Variants in ZNF254 observed in about 807,000 individuals in gnomAD.
ZNF254 encodes zinc finger protein 254.
ZNF254 carries 10 observed loss-of-function variants against 12.4 expected under a neutral mutation model. That is an observed-to-expected ratio of 0.80 (90% CI 0.50 to 1.36). The LOEUF (loss-of-function observed/expected upper bound fraction) is 1.36. ZNF254 is among the 40% of genes most tolerant of loss of function. ZNF254 has a pLI of 0.00. For synonymous variants in ZNF254, 305 were observed against 253.4 expected, an observed-to-expected ratio of 1.20 and a Z score of -1.93; for missense variants, 996 against 763.9, an observed-to-expected ratio of 1.30 and a Z score of -3.58.
intron 2 of ZNF254, among the ~76,000 whole-genome samples, chr19:24,054,689 A>G (rs1368644757): frequency 6.6e-6 from 1 of 152,186 alleles, no homozygotes; most frequent in African/African-American, 2.4e-5. Context: ...CCACAGTTGG[A>G]ATTGTGACTC....
chr19:24,113,367 C>G (rs1455850896), intron 3 of ZNF254, among the ~76,000 whole-genome samples: 1 of 152,142 alleles, frequency 6.6e-6, no homozygotes. Flanking sequence ...GGATGCAGGG[C>G]TGGTTCAATA....
chr19:24,120,157 G>A (rs1374060306), intron 3 of ZNF254, among the ~76,000 whole-genome samples: 1 of 152,074 alleles, frequency 6.6e-6, no homozygotes, highest in Admixed American at 6.5e-5. Flanking sequence ...GCTTGCGCAG[G>A]AAAACTGCCT....
chr19:24,105,987 G>A lies in ZNF254; in HGVS notation c.78G>A (p.Glu26=), dbSNP rs1973316705. 6.2e-7 allele frequency: 1 copy of A among 1,600,260 alleles called. No individual in the cohort carries two copies. Among genetic ancestry groups the A allele is most frequent in the Non-Finnish European group, 8.5e-7 (1 of 1,171,750 alleles). Residue 26 remains glutamate (E), a synonymous_variant, in exon 2 of 4, where the codon GAG becomes GAA. Coordinates refer to ENST00000357002, the MANE Select transcript of ZNF254 (RefSeq NM_203282.4). ...TGGCCATAGAATTCTCTCTGGAGGA[G>A]TGGCAACACCTGGACATTGCACAGC... is the stretch of plus-strand genomic sequence containing the variant. ...RDVAIEFSLE[E]WQHLDIAQQN... is the part of the protein sequence containing the mutation.
At chr19:24,093,321 T>C (rs974276037) in intron 1 of ZNF254, among the ~76,000 whole-genome samples, 4 of 152,140 alleles carry the variant, frequency 2.6e-5, no homozygotes, top group Non-Finnish European at 5.9e-5. Context: ...CAATTTTTGG[T>C]TTTTTTGCAG....
chr19:24,087,453 C>A, intron 1 of ZNF254, 116 bp downstream of exon 1: 1 of 1,343,540 alleles, frequency 7.4e-7, no homozygotes, highest in Non-Finnish European at 1.1e-6. Flanking sequence ...CTGCGCCCAG[C>A]TCGACCTCAG....
intron 3 of ZNF254, among the ~76,000 whole-genome samples, chr19:24,117,010 A>G (rs552737043): frequency 2.5e-4 from 38 of 152,188 alleles, no homozygotes; most frequent in African/African-American, 8.4e-4. Flanking sequence ...AGAACAGCTG[A>G]TTTTCGTGAA....
intron 2 of ZNF254, among the ~76,000 whole-genome samples, chr19:24,067,484 G>A (rs893644736): frequency 2.0e-5 from 3 of 151,800 alleles, no homozygotes; most frequent in African/African-American, 7.3e-5. Flanking sequence ...CTCCTCTCAT[G>A]CCAAGGCCTT....
Position 24,087,286 on chromosome 19 carries a change from G to C in ZNF254, c.-22G>C. 1 of 1,613,294 alleles carries C rather than the reference G, an allele frequency of 6.2e-7. No homozygotes were observed. On this transcript the variant is annotated 5_prime_UTR_variant, in exon 1 of 4. Transcript: ENST00000357002. ...GCCTCTGTGGCGCTGTTACCAGCAGGTATTGGAGATCCACAGCTAAGATGC... is the reference window on the plus strand; with the variant it reads ...GCCTCTGTGGCGCTGTTACCAGCAGCTATTGGAGATCCACAGCTAAGATGC...
intron 1 of ZNF254, among the ~76,000 whole-genome samples, chr19:24,094,257 T>C (rs910295526): frequency 2.6e-5 from 4 of 152,138 alleles, no homozygotes; most frequent in African/African-American, 9.7e-5. Context: ...AAATGCCTTT[T>C]ATTTATTTTT....
intron 2 of ZNF254, among the ~76,000 whole-genome samples, chr19:24,071,024 C>G (rs1020621044): frequency 1.3e-5 from 2 of 152,074 alleles, no homozygotes; most frequent in African/African-American, 4.8e-5. Context: ...ATGTTACTCT[C>G]CACTTTTTTT....
At chr19:24,092,388 T>C (rs1049732463) in intron 1 of ZNF254, among the ~76,000 whole-genome samples, 3 of 151,868 alleles carry the variant, frequency 2.0e-5, no homozygotes, top group African/African-American at 7.3e-5. Flanking sequence ...CAGGCTGGTC[T>C]TGAACTCCTG....
chr19:24,087,201 C>G lies in ZNF254; in HGVS notation c.-107C>G, dbSNP rs1972073994. ...GATATGGCGGGGCCTTTGTCTCTCG[C>G]TGTCGCCGGAGTCCCAGGTCTGTCT... On this transcript the variant is annotated 5_prime_UTR_variant, in exon 1 of 4. Transcript: ENST00000357002. The G allele has an allele frequency of 2.0e-6, 3 of 1,480,932 alleles. No individual in the cohort carries two copies. The highest frequency in any genetic ancestry group is 3.6e-5 in the Admixed American group (2 of 55,688). The allele number at this position is 1,480,932 out of a possible 1,614,324, so 91.7% of individuals were successfully genotyped here.
rs746323938 is a variant in ZNF254 at position 24,127,865 on chromosome 19, G to T, written c.1865G>T (p.Arg622Ile). ...FWSSTLTKHK[R>I]IHTGEQPYKW... ...TCCTCAACCCTAACTAAACATAAGA[G>T]AATTCATACTGGAGAGCAACCCTAC... Residue 622 changes from arginine (R) to isoleucine (I), a missense_variant, in exon 4 of 4, where the codon AGA becomes ATA. Arg to Ile is a moderately conservative substitution (Grantham distance 97). Coordinates refer to ENST00000357002, the MANE Select transcript of ZNF254 (RefSeq NM_203282.4). 1.4e-5 allele frequency: 22 copies of T among 1,612,804 alleles called. No individual in the cohort carries two copies. Among genetic ancestry groups the T allele is most frequent in the East Asian group, 2.2e-5 (1 of 44,838 alleles).
At chr19:24,056,556 C>A (rs1222737563) in intron 2 of ZNF254, among the ~76,000 whole-genome samples, 1 of 152,110 alleles carries the variant, frequency 6.6e-6, no homozygotes, top group Non-Finnish European at 1.5e-5. Context: ...CTGGGCCCAG[C>A]AACATGGTGA....
At chr19:24,118,487 T>G (rs1974263247) in intron 3 of ZNF254, among the ~76,000 whole-genome samples, 1 of 152,186 alleles carries the variant, frequency 6.6e-6, no homozygotes, top group Non-Finnish European at 1.5e-5. Context: ...TTTTGTGTCC[T>G]TTCAAATTTT....
At chr19:24,073,269 T>G (rs1971544337) in intron 2 of ZNF254, among the ~76,000 whole-genome samples, 1 of 152,178 alleles carries the variant, frequency 6.6e-6, no homozygotes, top group African/African-American at 2.4e-5. Flanking sequence ...AAAATTCTGT[T>G]ACATGTGATC....
At chr19:24,116,450 C>G (rs1568467449) in intron 3 of ZNF254, among the ~76,000 whole-genome samples, 1 of 152,158 alleles carries the variant, frequency 6.6e-6, no homozygotes, top group South Asian at 2.1e-4. Flanking sequence ...TTCATTTCAT[C>G]TTCTGTCACT....
chr19:24,045,423 AC>A (rs2145238256), intron 1 of ZNF254, among the ~76,000 whole-genome samples: 2 of 152,160 alleles, frequency 1.3e-5, no homozygotes, highest in Admixed American at 6.5e-5. Flanking sequence ...TAATCCCAGC[AC>A]TTTGGGAGGC....
intron 2 of ZNF254, chr19:24,065,315 C>T (rs1284620668): frequency 6.6e-6 from 1 of 152,194 alleles, no homozygotes; most frequent in Non-Finnish European, 1.5e-5. Context: ...TTCCTATGCC[C>T]TGCTTTCAGG....
Sources: gnomAD v4.1 joint callset for allele counts (sites outside exome capture counted in the v4.1 genomes callset) on GRCh38, gnomAD v4.1.1 for gene constraint, MANE v1.5 for transcripts, NCBI Gene and HGNC (gene_info 2026-07-23, HGNC 2026-07-21) for gene names.